ZNF253: variants seen among roughly 807,000 people sequenced by gnomAD.
ZNF253 encodes the protein zinc finger protein 253, also known as DNA-binding protein.
Under a neutral mutation model 11.9 loss-of-function variants are expected in ZNF253, and 8 were observed. That is an observed-to-expected ratio of 0.67 (90% CI 0.40 to 1.22). The LOEUF (loss-of-function observed/expected upper bound fraction) is 1.22. ZNF253 is among the 50% of genes most tolerant of loss of function. ZNF253 has a pLI of 0.01. For missense variants in ZNF253, 485 were observed against 586.9 expected (o/e 0.83, Z 1.79); for synonymous variants, 194 against 194.9 (o/e 1.00, Z 0.04).
At position 19,892,572 on chromosome 19, in the gene ZNF253, AT is replaced by A; in HGVS notation, c.1326del (p.His442GlnfsTer40). The A allele has an allele frequency of 6.2e-7, 1 of 1,614,062 alleles. No homozygotes were observed. Among genetic ancestry groups the A allele is most frequent in the East Asian group, 2.2e-5 (1 of 44,862 alleles). ...SFTASSTLTT[H>X]KRIHTGEKPY... ...ACTGCATCCTCAACTCTAACTACAC[AT>A]AAGAGAATTCATACTGGAGAGAAAC... On this transcript the variant is annotated frameshift_variant, in exon 4 of 4. Transcript: ENST00000589717. LOFTEE classifies it low-confidence loss of function (END_TRUNC).
At position 19,885,305 on chromosome 19, in the gene ZNF253, T is replaced by C. The variant is rs1329563267; in HGVS notation, c.226+5159T>C. ...TTTCTTTCTTTCTCTTTCTTTTCTTTCTTTCTTTCTTTCTTTCTTTCTTTC... is the reference window on the plus strand; with the variant it reads ...TTTCTTTCTTTCTCTTTCTTTTCTTCCTTTCTTTCTTTCTTTCTTTCTTTC... On this transcript the variant is annotated intron_variant, in intron 3 of 3. Transcript: ENST00000589717. Among the ~76,000 whole-genome samples, 175 of 52,646 alleles carry C rather than the reference T, an allele frequency of 3.3e-3. 19 individuals carry two copies. Among genetic ancestry groups the C allele is most frequent in the African/African-American group, 0.031 (169 of 5,492 alleles). The allele number at this position is 52,646 out of a possible 152,430, so 34.5% of individuals were successfully genotyped here. A position where few individuals can be genotyped will look rare whatever the true frequency, so the allele number is the denominator to read the frequency against.
At chr19:19,878,458 A>ATGTGTG in intron 1 of ZNF253, 23 bp from the exon 2 acceptor site, 1 of 1,513,432 alleles carries the variant, frequency 6.6e-7, no homozygotes, top group East Asian at 2.5e-5. Context: ...TTTAGTAATT[A>ATGTGTG]TGTGTGTGTG....
intron 3 of ZNF253, among the ~76,000 whole-genome samples, chr19:19,886,933 T>C (rs2063208655): frequency 6.6e-6 from 1 of 152,228 alleles, no homozygotes; most frequent in African/African-American, 2.4e-5. Flanking sequence ...TTGCCATGTA[T>C]GTCTTGCTTC....
intron 3 of ZNF253, among the ~76,000 whole-genome samples, chr19:19,885,546 A>G (rs995994196): frequency 4.0e-5 from 6 of 151,630 alleles, no homozygotes; most frequent in African/African-American, 1.2e-4. Context: ...GCCCGCCACC[A>G]TGCCCGGCTA....
chr19:19,886,525 C>G (rs921523087), intron 3 of ZNF253, among the ~76,000 whole-genome samples: 2 of 152,176 alleles, frequency 1.3e-5, no homozygotes, highest in Non-Finnish European at 2.9e-5. Flanking sequence ...GGGCAAATTT[C>G]TCATGAATGG....
chr19:19,879,679 G>A (rs1396432466), intron 2 of ZNF253, among the ~76,000 whole-genome samples: 2 of 152,096 alleles, frequency 1.3e-5, no homozygotes, highest in African/African-American at 4.8e-5. Context: ...TAGTATCTCT[G>A]ATGCAGCAAC....
chr19:19,865,868 A>G, upstream of ZNF253: 6 of 1,224,748 alleles, frequency 4.9e-6, no homozygotes, highest in African/African-American at 1.5e-5. Context: ...TTCTCGCTGC[A>G]GCGGGAGCTC....
In ZNF253 at chr19:19,880,074, C is replaced by T; in HGVS notation, c.154C>T (p.Leu52=). The change falls in exon 3 of 4, where the codon CTG becomes TTG. Residue 52 remains leucine (L), a synonymous_variant. Coordinates refer to ENST00000589717, the MANE Select transcript of ZNF253 (RefSeq NM_021047.3). ...AGGTATTGTTGTCTCTAAGCCAGAC[C>T]TGGTTACCTGTCTGGAGCAAGGAAA... is the stretch of plus-strand genomic sequence containing the variant. ...FLGIVVSKPD[L]VTCLEQGKKP... 1.2e-6 allele frequency: 2 copies of T among 1,606,264 alleles called. No homozygotes were observed. Among genetic ancestry groups the T allele is most frequent in the Non-Finnish European group, 1.7e-6 (2 of 1,177,044 alleles).
chr19:19,879,537 C>T (rs1279142790), intron 2 of ZNF253, among the ~76,000 whole-genome samples: 1 of 152,172 alleles, frequency 6.6e-6, no homozygotes, highest in Non-Finnish European at 1.5e-5. Context: ...GAACCCCTAC[C>T]TCATACATTA....
chr19:19,893,600 T>C lies in ZNF253; in HGVS notation c.*853T>C, dbSNP rs1568502972. The C allele has an allele frequency of 6.6e-6, 1 of 152,206 alleles. No individual in the cohort carries two copies. The highest frequency in any genetic ancestry group is 6.5e-5 in the Admixed American group (1 of 15,286). 9.4% of individuals were successfully genotyped at this position (152,206 alleles called of 1,614,324 possible). Reference sequence around the variant, plus strand: ...CTTATACCTTATTTCACAGGAAAGCTCTTATCCTTGAGAAAAATTGTGCAA... The same window carrying C: ...CTTATACCTTATTTCACAGGAAAGCCCTTATCCTTGAGAAAAATTGTGCAA... On this transcript the variant is annotated 3_prime_UTR_variant, in exon 4 of 4. Coordinates refer to ENST00000589717, the MANE Select transcript of ZNF253 (RefSeq NM_021047.3).
Position 19,893,039 on chromosome 19 carries a change from A to G in ZNF253, c.*292A>G. 3.1e-6 allele frequency: 1 copy of G among 323,246 alleles called. No individual in the cohort carries two copies. The highest frequency in any genetic ancestry group is 2.2e-5 in the African/African-American group (1 of 46,158). 20.0% of individuals were successfully genotyped at this position (323,246 alleles called of 1,614,324 possible). ...GTCACCGAGGCTGGAGTGCAATGAC[A>G]TGATCTCCGTTCACTGCAATCTCTG... On this transcript the variant is annotated 3_prime_UTR_variant, in exon 4 of 4. Coordinates refer to ENST00000589717, the MANE Select transcript of ZNF253 (RefSeq NM_021047.3).
chr19:19,887,170 AT>A (rs34122953), intron 3 of ZNF253, among the ~76,000 whole-genome samples: 11 of 150,756 alleles, frequency 7.3e-5, no homozygotes, highest in Admixed American at 1.3e-4. Flanking sequence ...TGGAATATAC[AT>A]TTTTTTTTCA....
chr19:19,880,464 G>C (rs1315272343), intron 3 of ZNF253, among the ~76,000 whole-genome samples: 1 of 152,040 alleles, frequency 6.6e-6, no homozygotes, highest in African/African-American at 2.4e-5. Flanking sequence ...CAGAACAGTG[G>C]GAGGCCAAGG....
chr19:19,869,496 G>C (rs1445080479), intron 1 of ZNF253, among the ~76,000 whole-genome samples: 1 of 151,652 alleles, frequency 6.6e-6, no homozygotes, highest in African/African-American at 2.4e-5. Context: ...CCAGTAGCTG[G>C]GATTACAGGC....
chr19:19,883,742 T>C (rs1046232080), intron 3 of ZNF253, among the ~76,000 whole-genome samples: 1 of 152,150 alleles, frequency 6.6e-6, no homozygotes, highest in Non-Finnish European at 1.5e-5. Flanking sequence ...CTTTCTGTTT[T>C]ATGATTTTTG....
In ZNF253 at chr19:19,885,220, T is replaced by C. The variant is rs566803970; in HGVS notation, c.226+5074T>C. Among the ~76,000 whole-genome samples the C allele has an allele frequency of 5.3e-3, 218 of 41,260 alleles. 2 individuals are homozygous for C. Among genetic ancestry groups the C allele is most frequent in the Admixed American group, 1.0e-2 (41 of 4,118 alleles). 27.1% of individuals were successfully genotyped at this position (41,260 alleles called of 152,430 possible). On this transcript the variant is annotated intron_variant, in intron 3 of 3. Transcript: ENST00000589717. Reference sequence around the variant, plus strand: ...AATGTCATGTCTTTTTTTTGTATTCTTTCTTTCTTTCTTTCTTTCTTTCTT... The same window carrying C: ...AATGTCATGTCTTTTTTTTGTATTCCTTCTTTCTTTCTTTCTTTCTTTCTT...
intron 1 of ZNF253, among the ~76,000 whole-genome samples, chr19:19,866,568 G>C (rs1263651871): frequency 6.7e-6 from 1 of 150,004 alleles, no homozygotes; most frequent in Non-Finnish European, 1.5e-5. Flanking sequence ...GCGCGATCTC[G>C]GCTCACTGCA....
chr19:19,874,071 G>A (rs904836188), intron 1 of ZNF253, among the ~76,000 whole-genome samples: 1 of 152,064 alleles, frequency 6.6e-6, no homozygotes, highest in Non-Finnish European at 1.5e-5. Context: ...ACCATGCCCA[G>A]CTAATTTTTT....
chr19:19,882,851 A>T (rs2063183711), intron 3 of ZNF253, among the ~76,000 whole-genome samples: 1 of 151,900 alleles, frequency 6.6e-6, no homozygotes, highest in Non-Finnish European at 1.5e-5. Flanking sequence ...GGCACCTGTA[A>T]TCCCAGCTAC....
Sources: gnomAD v4.1 joint callset for allele counts (sites outside exome capture counted in the v4.1 genomes callset) on GRCh38, gnomAD v4.1.1 for gene constraint, MANE v1.5 for transcripts, NCBI Gene and HGNC (gene_info 2026-07-23, HGNC 2026-07-21) for gene names.